Variants in HACD2 observed in about 807,000 individuals in gnomAD.
HACD2 encodes 3-hydroxyacyl-CoA dehydratase 2.
Under a neutral mutation model 31.0 loss-of-function variants are expected in HACD2, and 15 were observed. That is an observed-to-expected ratio of 0.48 (90% CI 0.32 to 0.75). HACD2 has a LOEUF of 0.75. HACD2 is among the 30% of genes least tolerant of loss of function. The pLI is 0.03. For synonymous variants in HACD2, 115 were observed against 122.2 expected (o/e 0.94, Z 0.39); for missense variants, 283 against 313.0 (o/e 0.90, Z 0.72).
At position 123,582,137 on chromosome 3, in the gene HACD2, C is replaced by A; in HGVS notation, c.273+75G>T. ...ACATGAATCCAAAGGGGGTATGCTACTTCAATATAATTTAGTTGCATGTTT... is the reference window on the plus strand; with the variant it reads ...ACATGAATCCAAAGGGGGTATGCTAATTCAATATAATTTAGTTGCATGTTT... On this transcript the variant is annotated intron_variant, in intron 2 of 6. Transcript: ENST00000383657. 3 of 1,004,092 alleles carry A rather than the reference C, an allele frequency of 3.0e-6. No individual in the cohort carries two copies. In the Admixed American group the frequency reaches 9.7e-5, roughly 33 times the overall value. 62.2% of individuals were successfully genotyped at this position (1,004,092 alleles called of 1,614,324 possible). A position where few individuals can be genotyped will look rare whatever the true frequency, so the allele number is the denominator to read the frequency against.
intron 2 of HACD2, among the ~76,000 whole-genome samples, chr3:123,576,176 A>G (rs2056905517): frequency 6.6e-6 from 1 of 151,874 alleles, no homozygotes; most frequent in Admixed American, 6.6e-5. Context: ...CCTTTTTTGA[A>G]TCTTCAGTAT....
chr3:123,571,325 AT>A (rs1161021316), intron 2 of HACD2, among the ~76,000 whole-genome samples: 1 of 152,152 alleles, frequency 6.6e-6, no homozygotes, highest in Non-Finnish European at 1.5e-5. Context: ...CAGTGTAGGG[AT>A]TTTGCAAGTG....
chr3:123,499,204 G>A (rs111817142), intron 6 of HACD2: 91 of 161,988 alleles, frequency 5.6e-4, no homozygotes, highest in African/African-American at 2.0e-3. Flanking sequence ...TAGTTACTCC[G>A]GGTGTGGTAA....
At chr3:123,579,474 A>AT (rs1006488682) in intron 2 of HACD2, among the ~76,000 whole-genome samples, 15 of 149,260 alleles carry the variant, frequency 1.0e-4, no homozygotes, top group South Asian at 4.3e-4. Flanking sequence ...AAAAAAAAAA[A>AT]TTTTTTTTTT....
intron 4 of HACD2, among the ~76,000 whole-genome samples, chr3:123,516,298 A>G (rs2056135899): frequency 6.8e-6 from 1 of 147,014 alleles, no homozygotes; most frequent in African/African-American, 2.6e-5. Context: ...CAGTGGCATG[A>G]TCTTCTGCTC....
intron 4 of HACD2, among the ~76,000 whole-genome samples, chr3:123,509,412 C>G (rs1471943448): frequency 1.3e-5 from 2 of 151,728 alleles, no homozygotes; most frequent in African/African-American, 4.8e-5. Flanking sequence ...AAAGTAAAAA[C>G]TATTATAAAT....
intron 4 of HACD2, among the ~76,000 whole-genome samples, chr3:123,511,928 C>A (rs1441340910): frequency 6.6e-6 from 1 of 152,100 alleles, no homozygotes; most frequent in Non-Finnish European, 1.5e-5. Context: ...TGGTGAAGAG[C>A]CCGTTGCCAC....
intron 1 of HACD2, among the ~76,000 whole-genome samples, chr3:123,583,133 G>T (rs985545346): frequency 1.3e-5 from 2 of 152,038 alleles, no homozygotes; most frequent in East Asian, 3.8e-4. Flanking sequence ...ATCACATAAG[G>T]ACATCAAGTA....
chr3:123,565,663 G>C (rs1311154689), intron 3 of HACD2, among the ~76,000 whole-genome samples: 1 of 152,168 alleles, frequency 6.6e-6, no homozygotes, highest in Non-Finnish European at 1.5e-5. Context: ...ACTTGGAAAA[G>C]ACGCATCTGA....
intron 2 of HACD2, among the ~76,000 whole-genome samples, chr3:123,570,256 T>C (rs1031578985): frequency 6.6e-6 from 1 of 152,136 alleles, no homozygotes; most frequent in African/African-American, 2.4e-5. Flanking sequence ...ATAAATACAA[T>C]GTCCCAATTG....
intron 6 of HACD2, among the ~76,000 whole-genome samples, chr3:123,498,897 C>G (rs143557841): frequency 5.8e-4 from 88 of 152,292 alleles, no homozygotes; most frequent in Admixed American, 2.5e-3. Context: ...AGAGGCAAAG[C>G]TCAGCACTGG....
intron 4 of HACD2, among the ~76,000 whole-genome samples, chr3:123,514,406 T>C (rs2056106866): frequency 7.6e-6 from 1 of 131,430 alleles, no homozygotes; most frequent in Non-Finnish European, 1.7e-5. Flanking sequence ...AAGTTTGAAA[T>C]TACTTCAGAA....
At chr3:123,542,146 C>CAAAA (rs11391480) in intron 3 of HACD2, among the ~76,000 whole-genome samples, 9 of 41,098 alleles carry the variant, frequency 2.2e-4, no homozygotes, top group Admixed American at 1.9e-3. Context: ...GACTCCGTCT[C>CAAAA]AAAAAAAAAA....
chr3:123,503,708 C>CAA (rs398038348), intron 4 of HACD2, among the ~76,000 whole-genome samples: 5,358 of 97,364 alleles, frequency 0.055, 413 homozygotes, highest in African/African-American at 0.16. Context: ...TTCCATGCAT[C>CAA]AAAAAAAAAA....
At chr3:123,566,296 T>A (rs905750693) in intron 3 of HACD2, among the ~76,000 whole-genome samples, 2 of 152,090 alleles carry the variant, frequency 1.3e-5, no homozygotes, top group African/African-American at 4.8e-5. Context: ...CCTTTTTTTT[T>A]TATTTTTTAA....
chr3:123,537,038 C>G (rs2056434611), intron 3 of HACD2, among the ~76,000 whole-genome samples: 1 of 152,060 alleles, frequency 6.6e-6, no homozygotes, highest in Non-Finnish European at 1.5e-5. Context: ...TAAATCCATT[C>G]AAATATAATA....
intron 4 of HACD2, among the ~76,000 whole-genome samples, chr3:123,505,081 T>G (rs1213611975): frequency 6.6e-6 from 1 of 152,158 alleles, no homozygotes; most frequent in African/African-American, 2.4e-5. Flanking sequence ...TTATGCAGCC[T>G]TAAAAGGGAG....
At chr3:123,557,676 C>T (rs976463536) in intron 3 of HACD2, among the ~76,000 whole-genome samples, 3 of 152,066 alleles carry the variant, frequency 2.0e-5, no homozygotes, top group Admixed American at 1.3e-4. Flanking sequence ...CAAAGAGGAC[C>T]TACAGATGCA....
At chr3:123,577,552 C>A (rs1353486105) in intron 2 of HACD2, among the ~76,000 whole-genome samples, 3 of 146,458 alleles carry the variant, frequency 2.0e-5, no homozygotes, top group African/African-American at 7.7e-5. Flanking sequence ...ACCCGGGAGG[C>A]GGAGCTTGCA....
Sources: allele counts gnomAD v4.1 joint callset (sites outside exome capture counted in the v4.1 genomes callset), GRCh38; gene constraint gnomAD v4.1.1; transcripts MANE v1.5; gene names NCBI Gene and HGNC (gene_info 2026-07-23, HGNC 2026-07-21).